The following SV2A variants were observed in gnomAD, a reference collection of about 807,000 sequenced individuals.
SV2A encodes solute carrier family 22 member B1.
In SV2A, 25 loss-of-function variants were observed where a neutral mutation model predicts 78.0. That is an observed-to-expected ratio of 0.32 (90% CI 0.23 to 0.45). The LOEUF (loss-of-function observed/expected upper bound fraction) is 0.45. SV2A is among the 20% of genes least tolerant of loss of function. The probability of loss-of-function intolerance (pLI) is 1.00; values close to 1 mark genes in which losing one functional copy is unlikely to be tolerated. For missense variants in SV2A, 752 were observed against 971.5 expected, an observed-to-expected ratio of 0.77 and a Z score of 3.00; for synonymous variants, 355 against 384.7, an observed-to-expected ratio of 0.92 and a Z score of 0.90.
intron 8 of SV2A, 123 bp downstream of exon 8, chr1:149,909,069 G>T: frequency 1.1e-6 from 1 of 880,220 alleles, no homozygotes; most frequent in South Asian, 1.5e-5. Flanking sequence ...TGCAGGATCA[G>T]AGGGGGTCTG....
At chr1:149,915,824 A>G (rs183966242) in intron 1 of SV2A, among the ~76,000 whole-genome samples, 1 of 152,152 alleles carries the variant, frequency 6.6e-6, no homozygotes, top group East Asian at 1.9e-4. Context: ...CTAGATTCTG[A>G]TCAGAAATCA....
At chr1:149,908,784 C>A (rs2092455577) in intron 8 of SV2A, among the ~76,000 whole-genome samples, 1 of 152,072 alleles carries the variant, frequency 6.6e-6, no homozygotes, top group South Asian at 2.1e-4. Context: ...ACTACAGGCG[C>A]CCACCACCAT....
At position 149,905,215 on chromosome 1, in the gene SV2A, A is replaced by C; in HGVS notation, c.2046-18T>G. ...CTGTGGTCCTGCTCAGGAGTCCCCC[A>C]GTGCAGCACGGCGCAAGGTACAGGA... is the stretch of plus-strand genomic sequence containing the variant. On this transcript the variant is annotated intron_variant, in intron 12 of 12. Transcript: ENST00000369146. The C allele has an allele frequency of 6.3e-7, 1 of 1,597,700 alleles. No homozygotes were observed. Among genetic ancestry groups the C allele is most frequent in the South Asian group, 1.1e-5 (1 of 88,336 alleles).
In SV2A at chr1:149,909,783, G is replaced by A. The variant is rs376562310; in HGVS notation, c.1179+18C>T. On this transcript the variant is annotated intron_variant, in intron 6 of 12. Coordinates refer to ENST00000369146, the MANE Select transcript of SV2A (RefSeq NM_014849.5). ...GCTGCAGGGCGTGGAGGTCTGAGTC[G>A]GGAGGGCTGTGGCTTACTGAGAACA... 33 of 1,612,786 alleles carry A rather than the reference G, an allele frequency of 2.0e-5. No homozygotes were observed. Among genetic ancestry groups the A allele is most frequent in the East Asian group, 6.7e-5 (3 of 44,888 alleles).
In SV2A at chr1:149,909,569, T is replaced by C; in HGVS notation, c.1182A>G (p.Val394=). The change falls in exon 7 of 13, where the codon GTA becomes GTG. Residue 394 remains valine, a splice_region_variant and synonymous_variant. Coordinates refer to ENST00000369146, the MANE Select transcript of SV2A (RefSeq NM_014849.5). ...AKGHPERVFS[V]THIKTIHQED... ...CCTGATGAATCGTCTTAATGTGGGT[T>C]ACCTGGGGTCAAGAGAAGGGGTGGG... The C allele has an allele frequency of 6.2e-7, 1 of 1,613,886 alleles. No individual in the cohort carries two copies. Among genetic ancestry groups the C allele is most frequent in the Non-Finnish European group, 8.5e-7 (1 of 1,179,796 alleles).
intron 1 of SV2A, among the ~76,000 whole-genome samples, chr1:149,916,759 G>A (rs1431233930): frequency 1.3e-5 from 2 of 152,108 alleles, no homozygotes; most frequent in Admixed American, 6.5e-5. Context: ...TGGGAGGTGC[G>A]GGAGCACCCC....
At chr1:149,905,257 G>A in intron 12 of SV2A, 60 bp from the exon 13 acceptor site, 1 of 1,498,468 alleles carries the variant, frequency 6.7e-7, no homozygotes, top group East Asian at 2.4e-5. Context: ...CAAAGGAAGA[G>A]TGGAGGGCAG....
chr1:149,905,627 C>G (rs767847209), intron 12 of SV2A: 3 of 413,826 alleles, frequency 7.2e-6, no homozygotes, highest in South Asian at 2.8e-5. Context: ...ATTTTTAGTA[C>G]AGACAGGGTT....
intron 8 of SV2A, among the ~76,000 whole-genome samples, chr1:149,908,860 C>T (rs1326217783): frequency 1.3e-5 from 2 of 152,060 alleles, no homozygotes; most frequent in Non-Finnish European, 2.9e-5. Context: ...GTCTCGATCT[C>T]CTAACCTCAT....
At position 149,910,088 on chromosome 1, in the gene SV2A, A is replaced by G. The variant is rs925533785; in HGVS notation, c.1090-198T>C. Among the ~76,000 whole-genome samples, 21 of 152,164 alleles carry G rather than the reference A, an allele frequency of 1.4e-4. No homozygotes were observed. The highest frequency in any genetic ancestry group is 4.8e-4 in the African/African-American group (20 of 41,428). The stretch of plus-strand genomic sequence containing the variant: ...CCCCAAGCTGAGGTATAGCAAGACA[A>G]TCAGACTTGGGCAAGAGCTGCGGGT... On this transcript the variant is annotated intron_variant, in intron 5 of 12. Transcript: ENST00000369146. The surrounding 1 kb of genome is among the most constrained non-coding windows in gnomAD (Gnocchi z 4.2).
Position 149,904,908 on chromosome 1 carries a change from G to T in SV2A, c.*106C>A. Reference sequence around the variant, plus strand: ...ACAGCTAAGACACCAAACACGGGGAGTGGGGAGTGAGGGCTCTGGAGGTCA... The same window carrying T: ...ACAGCTAAGACACCAAACACGGGGATTGGGGAGTGAGGGCTCTGGAGGTCA... On this transcript the variant is annotated 3_prime_UTR_variant, in exon 13 of 13. Transcript: ENST00000369146. 2 of 1,258,282 alleles carry T rather than the reference G, an allele frequency of 1.6e-6. No individual in the cohort carries two copies. Among genetic ancestry groups the T allele is most frequent in the Non-Finnish European group, 2.2e-6 (2 of 912,480 alleles). The allele number at this position is 1,258,282 out of a possible 1,614,324, so 77.9% of individuals were successfully genotyped here. A position where few individuals can be genotyped will look rare whatever the true frequency, so the allele number is the denominator to read the frequency against.
intron 11 of SV2A, 146 bp downstream of exon 11, chr1:149,906,504 C>T: frequency 1.2e-6 from 1 of 853,020 alleles, no homozygotes; most frequent in Non-Finnish European, 1.8e-6. Context: ...AGTCCCCACC[C>T]CATCCTGCAG....
At chr1:149,908,908 C>T (rs587735659) in intron 8 of SV2A, among the ~76,000 whole-genome samples, 15 of 152,226 alleles carry the variant, frequency 9.9e-5, no homozygotes, top group South Asian at 2.1e-4. Flanking sequence ...GCTGGGATTA[C>T]GAGCCTCATC....
rs782318663 is a variant in SV2A at position 149,908,086 on chromosome 1, C to T, written c.1500G>A (p.Thr500=). The change falls in exon 9 of 13, where the codon ACG becomes ACA. Residue 500 remains threonine (T), a synonymous_variant. Transcript: ENST00000369146. ...ERVEHVTFNF[T]LENQIHRGGQ... ...CGCCTCGGTGGATCTGATTCTCCAA[C>T]GTGAAGTTAAAAGTTACATGCTCTA... The T allele has an allele frequency of 5.9e-5, 96 of 1,613,998 alleles. No homozygotes were observed. The highest frequency in any genetic ancestry group is 6.7e-5 in the Admixed American group (4 of 59,982).
chr1:149,909,303 A>G (rs1559788682), intron 7 of SV2A, 23 bp from the exon 8 acceptor site: 3 of 1,612,568 alleles, frequency 1.9e-6, no homozygotes, highest in Non-Finnish European at 2.5e-6. Context: ...AGACAAAGTC[A>G]GACCTTGACT....
rs782641312 is a variant in SV2A at position 149,913,641 on chromosome 1, C to A, written c.200G>T (p.Arg67Leu). ...DFPAPSDGYY[R>L]GEGTQDEEEG... ...CTCCTCATCCTGGGTCCCTTCTCCT[C>A]GGTAATAACCATCACTGGGAGCAGG... Residue 67 changes from arginine to leucine, a missense_variant, in exon 2 of 13, where the codon CGA (arginine) becomes CTA (leucine). Around this residue, in one of 7 missense-constraint regions of SV2A, gnomAD observed 291 missense variants for 359.5 expected, o/e 0.81. Transcript: ENST00000369146. 6.2e-7 allele frequency: 1 copy of A among 1,614,120 alleles called. No individual in the cohort carries two copies. The highest frequency in any genetic ancestry group is 1.6e-4 in the Middle Eastern group (1 of 6,062).
chr1:149,913,329 A>G lies in SV2A; in HGVS notation c.512T>C (p.Val171Ala). The change falls in exon 2 of 13, where the codon GTG (valine) becomes GCG (alanine). Residue 171 changes from valine to alanine, a missense_variant. Physicochemically the swap from Val to Ala is moderately conservative, Grantham distance 64 (BLOSUM62 0). Around this residue, in one of 7 missense-constraint regions of SV2A, gnomAD observed 291 missense variants for 359.5 expected, o/e 0.81. Coordinates refer to ENST00000369146, the MANE Select transcript of SV2A (RefSeq NM_014849.5). ...GTCAGCCATCAGCGCCAGACCAAGC[A>G]CAAAATACAGTGTCCACTGGAAGCG... ...HGRFQWTLYF[V>A]LGLALMADGV... 1 of 1,614,150 alleles carries G rather than the reference A, an allele frequency of 6.2e-7. No individual in the cohort carries two copies. Among genetic ancestry groups the G allele is most frequent in the Non-Finnish European group, 8.5e-7 (1 of 1,180,016 alleles).
At chr1:149,915,087 C>T (rs1319672576) in intron 1 of SV2A, among the ~76,000 whole-genome samples, 1 of 152,156 alleles carries the variant, frequency 6.6e-6, no homozygotes, top group Non-Finnish European at 1.5e-5. Flanking sequence ...CTGCCACTTA[C>T]TAACTGATCT....
In SV2A at chr1:149,911,702, G is replaced by A. The variant is rs587766833; in HGVS notation, c.803+98C>T. 27 of 1,220,306 alleles carry A rather than the reference G, an allele frequency of 2.2e-5. No homozygotes were observed. In the East Asian group the frequency reaches 5.8e-4, roughly 26 times the overall value. 75.6% of individuals were successfully genotyped at this position (1,220,306 alleles called of 1,614,324 possible). On this transcript the variant is annotated intron_variant, in intron 3 of 12. Transcript: ENST00000369146. Reference sequence around the variant, plus strand: ...TCCGTTCAACTCACACAGATTTAAGGTGCATTTGGTGTGCCTGGCACTGTG... The same window carrying A: ...TCCGTTCAACTCACACAGATTTAAGATGCATTTGGTGTGCCTGGCACTGTG...
Sources: allele counts gnomAD v4.1 joint callset (sites outside exome capture counted in the v4.1 genomes callset), GRCh38; gene constraint gnomAD v4.1.1; regional missense constraint gnomAD v4.1.1; non-coding constraint Gnocchi (gnomAD v3.1); transcripts MANE v1.5; gene names NCBI Gene and HGNC (gene_info 2026-07-23, HGNC 2026-07-21).